DLGAP1: variants seen among roughly 807,000 people sequenced by gnomAD.
DLGAP1 encodes DLG associated protein 1.
DLGAP1 carries 11 observed loss-of-function variants against 90.8 expected under a neutral mutation model. That is an observed-to-expected ratio of 0.12 (90% CI 0.08 to 0.20). DLGAP1 has a LOEUF of 0.20. Among genes scored for constraint, DLGAP1 ranks in the 10% least tolerant of loss-of-function variants. DLGAP1 has a pLI of 1.00. For missense variants in DLGAP1, 1,050 were observed against 1,333.8 expected (o/e 0.79, Z 3.31); for synonymous variants, 558 against 540.7 (o/e 1.03, Z -0.44).
chr18:3,513,912 A>C (rs1349894777), intron 10 of DLGAP1, among the ~76,000 whole-genome samples: 2 of 152,094 alleles, frequency 1.3e-5, no homozygotes, highest in Non-Finnish European at 2.9e-5. Flanking sequence ...TGAAGAGAAA[A>C]AACACTTTCC....
intron 5 of DLGAP1, among the ~76,000 whole-genome samples, chr18:3,745,949 C>T (rs1598566398): frequency 6.6e-6 from 1 of 152,050 alleles, no homozygotes; most frequent in African/African-American, 2.4e-5. Flanking sequence ...TTGGCCTCCC[C>T]AAGTGCTGGG....
chr18:4,440,054 A>G (rs62085391), intron 1 of DLGAP1, among the ~76,000 whole-genome samples: 50,385 of 142,564 alleles, frequency 0.35, 8,802 homozygotes, highest in East Asian at 0.47. Flanking sequence ...CGGGAGGCAG[A>G]GCTTGCAGTG....
In DLGAP1 at chr18:3,651,863, C is replaced by A. The variant is rs181323950; in HGVS notation, c.1592-69615G>T. ...GCGGGCACCTGTAATCCCAGCTACT[C>A]GGGAGGCTGAGGCAGGAGAATCACT... On this transcript the variant is annotated intron_variant, in intron 7 of 12. Coordinates refer to ENST00000315677, the MANE Select transcript of DLGAP1 (RefSeq NM_004746.4). Among the ~76,000 whole-genome samples, 25 of 151,574 alleles carry A rather than the reference C, an allele frequency of 1.6e-4. No homozygotes were observed. In the East Asian group the frequency reaches 2.7e-3, roughly 17 times the overall value.
At chr18:3,592,988 A>G (rs1416289897) in intron 7 of DLGAP1, among the ~76,000 whole-genome samples, 1 of 152,140 alleles carries the variant, frequency 6.6e-6, no homozygotes, top group African/African-American at 2.4e-5. Flanking sequence ...TCCCCATTTA[A>G]CTGATGAAAA....
At chr18:4,061,780 T>A (rs2075302029) in intron 2 of DLGAP1, among the ~76,000 whole-genome samples, 1 of 152,210 alleles carries the variant, frequency 6.6e-6, no homozygotes, top group Non-Finnish European at 1.5e-5. Context: ...AAATTATGTG[T>A]GCCACAGAGG....
intron 3 of DLGAP1, among the ~76,000 whole-genome samples, chr18:3,940,896 C>T (rs551249915): frequency 5.9e-4 from 90 of 152,234 alleles, no homozygotes; most frequent in Non-Finnish European, 1.1e-3. Flanking sequence ...AATAATTTTG[C>T]ATTTCCTCAT....
At chr18:4,015,740 T>C (rs922896772) in intron 2 of DLGAP1, among the ~76,000 whole-genome samples, 1 of 152,222 alleles carries the variant, frequency 6.6e-6, no homozygotes, top group Non-Finnish European at 1.5e-5. Context: ...TGACATAATA[T>C]ACAGTATTCC....
At chr18:3,893,671 G>A (rs1457183861) in intron 3 of DLGAP1, among the ~76,000 whole-genome samples, 1 of 151,408 alleles carries the variant, frequency 6.6e-6, no homozygotes, top group East Asian at 1.9e-4. Flanking sequence ...CCATGACTTT[G>A]CAATTCTGAA....
chr18:3,592,799 G>C (rs2056325383), intron 7 of DLGAP1, among the ~76,000 whole-genome samples: 1 of 121,726 alleles, frequency 8.2e-6, no homozygotes, highest in African/African-American at 3.1e-5. Flanking sequence ...AGCCATGACT[G>C]TGCCACTGCA....
At chr18:3,851,266 C>T (rs961108854) in intron 4 of DLGAP1, among the ~76,000 whole-genome samples, 2 of 151,950 alleles carry the variant, frequency 1.3e-5, no homozygotes, top group Non-Finnish European at 2.9e-5. Context: ...GGGTAAATGG[C>T]AAATCTCATT....
intron 5 of DLGAP1, among the ~76,000 whole-genome samples, chr18:3,756,281 C>A (rs949242498): frequency 1.3e-5 from 2 of 152,058 alleles, no homozygotes; most frequent in Non-Finnish European, 2.9e-5. Context: ...GATCTCCTGA[C>A]CTTGTGATCT....
intron 3 of DLGAP1, among the ~76,000 whole-genome samples, chr18:3,887,126 A>T (rs567508513): frequency 2.0e-5 from 3 of 152,344 alleles, no homozygotes; most frequent in Non-Finnish European, 4.4e-5. Flanking sequence ...ATAGGAAGCC[A>T]GAGTCCCTTG....
intron 1 of DLGAP1, among the ~76,000 whole-genome samples, chr18:4,252,745 A>G (rs1226313603): frequency 6.6e-6 from 1 of 152,258 alleles, no homozygotes; most frequent in Non-Finnish European, 1.5e-5. Context: ...TGAAGATAAA[A>G]CATTTGCTGA....
At chr18:3,520,557 T>C (rs12964965) in intron 10 of DLGAP1, among the ~76,000 whole-genome samples, 50,119 of 151,974 alleles carry the variant, frequency 0.33, 8,873 homozygotes, top group Admixed American at 0.44. Context: ...CTACGACTGA[T>C]GTCCTTATAA....
At chr18:3,720,620 T>C (rs2061937881) in intron 7 of DLGAP1, among the ~76,000 whole-genome samples, 1 of 152,166 alleles carries the variant, frequency 6.6e-6, no homozygotes, top group Admixed American at 6.6e-5. Context: ...TTTGCAGCAT[T>C]GTCCAACTGC....
At chr18:3,641,537 C>CAA (rs576340963) in intron 7 of DLGAP1, among the ~76,000 whole-genome samples, 26 of 63,282 alleles carry the variant, frequency 4.1e-4, no homozygotes, top group South Asian at 6.3e-4. Context: ...AACTCCGTCT[C>CAA]AAAAAAAAAA....
intron 1 of DLGAP1, among the ~76,000 whole-genome samples, chr18:4,400,520 T>G (rs1045715741): frequency 1.3e-5 from 2 of 152,032 alleles, no homozygotes; most frequent in African/African-American, 4.8e-5. Context: ...CCATGTATAT[T>G]TTCACGGATA....
intron 9 of DLGAP1, among the ~76,000 whole-genome samples, chr18:3,561,266 CAA>C (rs71159092): frequency 0.29 from 31,577 of 110,388 alleles, 5,805 homozygotes; most frequent in African/African-American, 0.55. Context: ...AAAAAAAAAA[CAA>C]AAAAAAAAAA....
At chr18:3,763,518 A>AAC (rs2064069119) in intron 5 of DLGAP1, among the ~76,000 whole-genome samples, 1 of 152,152 alleles carries the variant, frequency 6.6e-6, no homozygotes, top group Admixed American at 6.5e-5. Flanking sequence ...AACCCTGACT[A>AAC]ACACACATGG....
Sources: allele counts gnomAD v4.1 joint callset (sites outside exome capture counted in the v4.1 genomes callset), GRCh38; gene constraint gnomAD v4.1.1; transcripts MANE v1.5; gene names NCBI Gene and HGNC (gene_info 2026-07-23, HGNC 2026-07-21).